The following RNF6 variants were observed in gnomAD, a reference collection of about 807,000 sequenced individuals.
RNF6 encodes the protein E3 ubiquitin-protein ligase RNF6.
Under a neutral mutation model 50.1 loss-of-function variants are expected in RNF6, and 21 were observed. That is an observed-to-expected ratio of 0.42 (90% CI 0.30 to 0.60). RNF6 has a LOEUF of 0.60. Ranked by LOEUF, RNF6 falls within the 20% of genes least tolerant of loss-of-function variation. The pLI is 0.20. For synonymous variants in RNF6, 255 were observed against 291.8 expected (o/e 0.87, Z 1.29); for missense variants, 698 against 838.2 (o/e 0.83, Z 2.07).
At chr13:26,206,929 T>C (rs561818340) in intron 5 of RNF6, among the ~76,000 whole-genome samples, 4 of 151,666 alleles carry the variant, frequency 2.6e-5, no homozygotes, top group Non-Finnish European at 5.9e-5. Context: ...AAAAAAAAAA[T>C]TAAAAATTTT....
intron 5 of RNF6, among the ~76,000 whole-genome samples, chr13:26,155,779 C>G (rs2137596207): frequency 6.6e-6 from 1 of 152,308 alleles, no homozygotes; most frequent in African/African-American, 2.4e-5. Flanking sequence ...TCATCTGTTT[C>G]CATGGGTTGT....
chr13:26,170,567 C>A (rs1872654665), intron 5 of RNF6, among the ~76,000 whole-genome samples: 1 of 152,190 alleles, frequency 6.6e-6, no homozygotes. Context: ...AAGCCCAGAT[C>A]ATCTTAGTGT....
At chr13:26,203,094 A>T (rs535657986) in intron 5 of RNF6, among the ~76,000 whole-genome samples, 1 of 152,350 alleles carries the variant, frequency 6.6e-6, no homozygotes, top group African/African-American at 2.4e-5. Flanking sequence ...ATTATGTGGC[A>T]ATTTGGGCCA....
intron 5 of RNF6, among the ~76,000 whole-genome samples, chr13:26,191,803 G>A (rs78315084): frequency 0.025 from 3,871 of 152,318 alleles, 59 homozygotes; most frequent in Middle Eastern, 0.071. Flanking sequence ...TTGGTGATAT[G>A]TGTTATGGAG....
At chr13:26,188,673 T>A (rs2057565) in intron 5 of RNF6, among the ~76,000 whole-genome samples, 33,056 of 136,446 alleles carry the variant, frequency 0.24, 4,561 homozygotes, top group East Asian at 0.45. Flanking sequence ...TCTCACTCTG[T>A]TGCCAGGCTG....
intron 5 of RNF6, among the ~76,000 whole-genome samples, chr13:26,170,045 GT>G (rs1872621714): frequency 6.6e-6 from 1 of 152,082 alleles, no homozygotes; most frequent in African/African-American, 2.4e-5. Flanking sequence ...AGTTTTGTTT[GT>G]TTTTGATGAC....
At position 26,188,623 on chromosome 13, in the gene RNF6, C is replaced by CTTTTTTTTTTTTTTTTTTTTT. The variant is rs1163881143; in HGVS notation, n.768+26830_768+26850dup. On this transcript the variant is annotated intron_variant and non_coding_transcript_variant, in intron 5 of 5. Coordinates refer to the RNF6 transcript ENST00000468480. ...GCTTTAGTTGGACAAGTCAAAAGAG[C>CTTTTTTTTTTTTTTTTTTTTT]TTTTTTTTTTTTTTTTTTTTTTTTT... Among the ~76,000 whole-genome samples, 5 of 43,272 alleles carry CTTTTTTTTTTTTTTTTTTTTT rather than the reference C, an allele frequency of 1.2e-4. 2 individuals carry two copies. The highest frequency in any genetic ancestry group is 4.4e-4 in the African/African-American group (4 of 9,168). 28.4% of individuals were successfully genotyped at this position (43,272 alleles called of 152,430 possible). A position where few individuals can be genotyped will look rare whatever the true frequency, so the allele number is the denominator to read the frequency against.
intron 5 of RNF6, among the ~76,000 whole-genome samples, chr13:26,134,621 G>C (rs1870555912): frequency 6.6e-6 from 1 of 152,108 alleles, no homozygotes; most frequent in Non-Finnish European, 1.5e-5. Context: ...TGGGTTCCAA[G>C]AACACTAGCC....
chr13:26,168,451 T>C (rs1872544649), intron 5 of RNF6, among the ~76,000 whole-genome samples: 1 of 152,354 alleles, frequency 6.6e-6, no homozygotes, highest in East Asian at 1.9e-4. Context: ...AATTGGTCCA[T>C]ATGAAGTGTC....
At chr13:26,181,974 A>G (rs1178058417) in intron 5 of RNF6, among the ~76,000 whole-genome samples, 1 of 152,200 alleles carries the variant, frequency 6.6e-6, no homozygotes, top group African/African-American at 2.4e-5. Context: ...CAAGGATCAA[A>G]CAGCTAGCCT....
intron 5 of RNF6, among the ~76,000 whole-genome samples, chr13:26,152,492 C>T (rs1345530333): frequency 6.6e-6 from 1 of 152,208 alleles, no homozygotes; most frequent in African/African-American, 2.4e-5. Context: ...TTTATAAATA[C>T]TCTGTCTTAT....
chr13:26,171,806 T>G (rs990488633), intron 5 of RNF6, among the ~76,000 whole-genome samples: 3 of 152,198 alleles, frequency 2.0e-5, no homozygotes, highest in African/African-American at 4.8e-5. Flanking sequence ...AGGTGAAATT[T>G]TATATGTTTA....
chr13:26,186,351 T>C (rs562068881), intron 5 of RNF6, among the ~76,000 whole-genome samples: 178 of 152,282 alleles, frequency 1.2e-3, no homozygotes, highest in African/African-American at 3.8e-3. Flanking sequence ...GGCCAGTGCG[T>C]GTGTAAGACC....
chr13:26,194,371 GGGA>G (rs1282391732), intron 5 of RNF6, among the ~76,000 whole-genome samples: 3 of 152,260 alleles, frequency 2.0e-5, no homozygotes, highest in South Asian at 4.1e-4. Flanking sequence ...CCCATCAAAA[GGGA>G]GGAGAAGAAA....
At chr13:26,211,096 C>A (rs1371854050), downstream of RNF6, among the ~76,000 whole-genome samples, 1 of 152,174 alleles carries the variant, frequency 6.6e-6, no homozygotes, top group South Asian at 2.1e-4. Flanking sequence ...TAAATAGAAG[C>A]TATAAATAGA....
intron 5 of RNF6, among the ~76,000 whole-genome samples, chr13:26,206,086 C>T (rs1869093725): frequency 1.1e-4 from 16 of 152,212 alleles, no homozygotes; most frequent in Admixed American, 9.8e-4. Context: ...GGTTAACCTG[C>T]TCTACCATGC....
chr13:26,210,830 G>A (rs779824726), downstream of RNF6, among the ~76,000 whole-genome samples: 6 of 152,252 alleles, frequency 3.9e-5, no homozygotes, highest in South Asian at 2.1e-4. Flanking sequence ...AAATAACCTC[G>A]TAAGAGTGAT....
At chr13:26,160,646 T>C (rs1362996508) in intron 5 of RNF6, among the ~76,000 whole-genome samples, 1 of 151,472 alleles carries the variant, frequency 6.6e-6, no homozygotes, top group Non-Finnish European at 1.5e-5. Context: ...TAAATTGTGC[T>C]GAGACAGTTG....
Position 26,214,800 on chromosome 13 carries a change from C to G in RNF6, c.1082G>C (p.Gly361Ala). The G allele has an allele frequency of 6.2e-7, 1 of 1,614,156 alleles. No individual in the cohort carries two copies. Among genetic ancestry groups the G allele is most frequent in the Non-Finnish European group, 8.5e-7 (1 of 1,180,022 alleles). ...LEQDRERERRGTAYTPFSNSR... is the reference protein window; with the variant it reads ...LEQDRERERRATAYTPFSNSR... ...ATTAGAGAATGGGGTATATGCAGTA[C>G]CTCTGCGTTCTCGTTCTCTATCTTG... The change falls in exon 5 of 5, where the codon GGT becomes GCT. Residue 361 changes from glycine (G) to alanine (A), a missense_variant. Transcript: ENST00000381588.
Sources: allele counts gnomAD v4.1 joint callset (sites outside exome capture counted in the v4.1 genomes callset), GRCh38; gene constraint gnomAD v4.1.1; transcripts MANE v1.5; gene names NCBI Gene and HGNC (gene_info 2026-07-23, HGNC 2026-07-21).